The following PCDHGA7 variants were observed in gnomAD, a reference collection of about 807,000 sequenced individuals.
PCDHGA7 encodes the protein protocadherin gamma-A7.
In PCDHGA7, 44 loss-of-function variants were observed where a neutral mutation model predicts 58.3. The ratio of observed to expected loss-of-function variants is 0.75; its 90% CI spans 0.59 to 0.97. The LOEUF (loss-of-function observed/expected upper bound fraction) is 0.97, where lower values mean the gene tolerates loss of function less well. Ranked by LOEUF, PCDHGA7 falls within the 50% of genes least tolerant of loss-of-function variation. PCDHGA7 has a pLI of 0.00. For synonymous variants in PCDHGA7, 516 were observed against 504.2 expected (o/e 1.02, Z -0.31); for missense variants, 1,266 against 1,188.7 (o/e 1.06, Z -0.96).
At chr5:141,481,524 A>G (rs186970700) in intron 1 of PCDHGA7, among the ~76,000 whole-genome samples, 4 of 152,240 alleles carry the variant, frequency 2.6e-5, no homozygotes, top group African/African-American at 9.6e-5. Flanking sequence ...CTCAGTAAAA[A>G]TCTAGAGATG....
chr5:141,385,340 C>A lies in PCDHGA7; in HGVS notation c.2424+17C>A. ...AGTATTCAGGTGAGCCCAGCCCTTC[C>A]TTTATTTCCATGAGGAATTTATTTG... On this transcript the variant is annotated intron_variant, in intron 1 of 3. Transcript: ENST00000518325. 1 of 1,570,860 alleles carries A rather than the reference C, an allele frequency of 6.4e-7. No individual in the cohort carries two copies. Among genetic ancestry groups the A allele is most frequent in the Non-Finnish European group, 8.6e-7 (1 of 1,159,734 alleles).
At chr5:141,457,522 G>A (rs1200640017) in intron 1 of PCDHGA7, among the ~76,000 whole-genome samples, 1 of 152,188 alleles carries the variant, frequency 6.6e-6, no homozygotes, top group Non-Finnish European at 1.5e-5. Flanking sequence ...AACAATTAAT[G>A]AGACTAGGGT....
rs2099748976 is a variant in PCDHGA7, at chr5:141,493,566, C to G, written c.2425-1241C>G. Among the ~76,000 whole-genome samples, 1 of 152,168 alleles carries G rather than the reference C, an allele frequency of 6.6e-6. No individual in the cohort carries two copies. Among genetic ancestry groups the G allele is most frequent in the African/African-American group, 2.4e-5 (1 of 41,436 alleles). ...TTTTGGAGATTGAGTTCCCCCAGCT[C>G]CGTTTCCTCCTATCACAATCACTGC... is the stretch of plus-strand genomic sequence containing the variant. On this transcript the variant is annotated intron_variant, in intron 1 of 3. Transcript: ENST00000518325. The surrounding 1 kb of genome is among the most constrained non-coding windows in gnomAD (Gnocchi z 4.3).
intron 1 of PCDHGA7, among the ~76,000 whole-genome samples, chr5:141,466,506 G>A (rs1417729031): frequency 6.6e-6 from 1 of 152,156 alleles, no homozygotes; most frequent in Non-Finnish European, 1.5e-5. Context: ...GCACAGACAA[G>A]ATCATTTTTT....
rs1049654933 is a variant in PCDHGA7 at position 141,497,808 on chromosome 5, A to G, written c.2483+2943A>G. 2.6e-5 allele frequency among the ~76,000 whole-genome samples: 4 copies of G among 152,282 alleles called. No homozygotes were observed. The East Asian group carries it at 7.7e-4, about 29-fold the overall frequency. Reference sequence around the variant, plus strand: ...ACCTGCTTCAGCTTCCCAAAGTGCTAGAATTACAGGTGTGATCGCCCCCGG... The same window carrying G: ...ACCTGCTTCAGCTTCCCAAAGTGCTGGAATTACAGGTGTGATCGCCCCCGG... On this transcript the variant is annotated intron_variant, in intron 2 of 3. Coordinates refer to ENST00000518325, the MANE Select transcript of PCDHGA7 (RefSeq NM_018920.4).
At chr5:141,442,737 G>A (rs1376026431) in intron 1 of PCDHGA7, among the ~76,000 whole-genome samples, 1 of 152,152 alleles carries the variant, frequency 6.6e-6, no homozygotes, top group Non-Finnish European at 1.5e-5. Flanking sequence ...CTGTAGGTAA[G>A]GAGCATGTTT....
intron 1 of PCDHGA7, chr5:141,399,810 C>T (rs148150333): frequency 3.9e-5 from 63 of 1,613,194 alleles, no homozygotes; most frequent in Non-Finnish European, 4.9e-5. Flanking sequence ...TGCTGTACCC[C>T]GCGCTGGGTC....
intron 1 of PCDHGA7, chr5:141,430,634 C>G: frequency 1.1e-6 from 1 of 882,730 alleles, no homozygotes; most frequent in Non-Finnish European, 1.7e-6. Flanking sequence ...TGAACCATCC[C>G]TGGGAGTATG....
intron 1 of PCDHGA7, chr5:141,394,309 C>T (rs2092971552): frequency 6.2e-7 from 1 of 1,613,992 alleles, no homozygotes; most frequent in Non-Finnish European, 8.5e-7. Flanking sequence ...CTGCAGGGGG[C>T]GCCCCTGTCC....
chr5:141,408,743 A>G (rs764671808), intron 1 of PCDHGA7: 13 of 1,610,030 alleles, frequency 8.1e-6, no homozygotes, highest in African/African-American at 2.7e-5. Flanking sequence ...TTTTTCATTA[A>G]TGGTTAGAGT....
intron 1 of PCDHGA7, among the ~76,000 whole-genome samples, chr5:141,386,536 GTGT>G (rs1561611759): frequency 6.6e-6 from 1 of 151,656 alleles, no homozygotes; most frequent in African/African-American, 2.4e-5. Flanking sequence ...TTTTAGACTA[GTGT>G]TGTATTTGGT....
At chr5:141,430,635 T>C (rs1561846344) in intron 1 of PCDHGA7, 1 of 881,828 alleles carries the variant, frequency 1.1e-6, no homozygotes, top group African/African-American at 1.7e-5. Context: ...GAACCATCCC[T>C]GGGAGTATGT....
At position 141,490,456 on chromosome 5, in the gene PCDHGA7, C is replaced by G. The variant is rs370141879; in HGVS notation, c.2425-4351C>G. On this transcript the variant is annotated intron_variant, in intron 1 of 3. Transcript: ENST00000518325. The surrounding 1 kb of genome is among the most constrained non-coding windows in gnomAD (Gnocchi z 5.4). The stretch of plus-strand genomic sequence containing the variant: ...TAAGCCTTCTGAGAACCACTACTCG[C>G]TGCTAACCAGCCAGCCTTTGGACCG... 3.7e-6 allele frequency: 6 copies of G among 1,614,114 alleles called. No individual in the cohort carries two copies. Among genetic ancestry groups the G allele is most frequent in the Non-Finnish European group, 5.1e-6 (6 of 1,180,058 alleles).
In PCDHGA7 at chr5:141,485,051, CCGAACCGCG is replaced by C. The variant is rs2099605816; in HGVS notation, c.2425-9754_2425-9746del. On this transcript the variant is annotated intron_variant, in intron 1 of 3. Coordinates refer to ENST00000518325, the MANE Select transcript of PCDHGA7 (RefSeq NM_018920.4). This position sits in a 1 kb window ranked among gnomAD's most constrained non-coding sequence, Gnocchi z 5.7. ...CGGCGCGTAACCCTTGCGGCGCCGG[CCGAACCGCG>C]CCAGAGCTGGCGCGGGGAAAGGGAG... 1.2e-6 allele frequency: 1 copy of C among 801,304 alleles called. No individual in the cohort carries two copies. Among genetic ancestry groups the C allele is most frequent in the East Asian group, 2.5e-5 (1 of 40,224 alleles). 49.6% of individuals were successfully genotyped at this position (801,304 alleles called of 1,614,324 possible). A position where few individuals can be genotyped will look rare whatever the true frequency, so the allele number is the denominator to read the frequency against.
chr5:141,407,548 G>A (rs2094952527), intron 1 of PCDHGA7, among the ~76,000 whole-genome samples: 1 of 151,388 alleles, frequency 6.6e-6, no homozygotes, highest in Non-Finnish European at 1.5e-5. Context: ...GTAACAGATT[G>A]TAGAACATAA....
intron 1 of PCDHGA7, among the ~76,000 whole-genome samples, chr5:141,442,810 T>C (rs2098345227): frequency 6.6e-6 from 1 of 152,222 alleles, no homozygotes; most frequent in Non-Finnish European, 1.5e-5. Context: ...ATTCAAATTG[T>C]ACTGATCCAA....
chr5:141,496,980 G>T (rs186715298), intron 2 of PCDHGA7, among the ~76,000 whole-genome samples: 1 of 151,974 alleles, frequency 6.6e-6, no homozygotes, highest in Admixed American at 6.6e-5. Flanking sequence ...GAGGTCAGGG[G>T]TTTGAGACCA....
chr5:141,451,565 C>A (rs1336048717), intron 1 of PCDHGA7, among the ~76,000 whole-genome samples: 2 of 152,062 alleles, frequency 1.3e-5, no homozygotes, highest in South Asian at 2.1e-4. Flanking sequence ...AAGCCACAAT[C>A]TTTTTATAAA....
At position 141,487,047 on chromosome 5, in the gene PCDHGA7, C is replaced by T; in HGVS notation, c.2425-7760C>T. The T allele has an allele frequency of 6.2e-7, 1 of 1,614,188 alleles. No individual in the cohort carries two copies. Among genetic ancestry groups the T allele is most frequent in the Non-Finnish European group, 8.5e-7 (1 of 1,180,032 alleles). ...AGCCTGTTTGCAGTCTCTCGATATGCTGGGGAGGTGCGGACGGCTGTTCCT... is the reference window on the plus strand; with the variant it reads ...AGCCTGTTTGCAGTCTCTCGATATGTTGGGGAGGTGCGGACGGCTGTTCCT... On this transcript the variant is annotated intron_variant, in intron 1 of 3. Coordinates refer to ENST00000518325, the MANE Select transcript of PCDHGA7 (RefSeq NM_018920.4). This position sits in a 1 kb window ranked among gnomAD's most constrained non-coding sequence, Gnocchi z 5.0.
Sources: allele counts gnomAD v4.1 joint callset (sites outside exome capture counted in the v4.1 genomes callset), GRCh38; gene constraint gnomAD v4.1.1; non-coding constraint Gnocchi (gnomAD v3.1); transcripts MANE v1.5; gene names NCBI Gene and HGNC (gene_info 2026-07-23, HGNC 2026-07-21).